The following SREK1 variants were observed in gnomAD, a reference collection of about 807,000 sequenced individuals.
SREK1 encodes the protein splicing regulatory glutamine/lysine-rich protein 1.
SREK1 carries 13 observed loss-of-function variants against 66.5 expected under a neutral mutation model. The ratio of observed to expected loss-of-function variants is 0.20; its 90% CI spans 0.13 to 0.31. The LOEUF is 0.31. Ranked by LOEUF, SREK1 falls within the 10% of genes least tolerant of loss-of-function variation. The pLI is 1.00. For missense variants in SREK1, 607 were observed against 769.6 expected (o/e 0.79, Z 2.50); for synonymous variants, 265 against 263.5 (o/e 1.01, Z -0.05).
At chr5:66,158,236 T>G (rs1389979278) in intron 2 of SREK1, 1 of 152,036 alleles carries the variant, frequency 6.6e-6, no homozygotes, top group Non-Finnish European at 1.5e-5. Context: ...TCAGAGTAAG[T>G]TTTTCATTTT....
rs894974050 is a variant in SREK1 at position 66,157,190 on chromosome 5, T to C, written c.296-2029T>C. Reference sequence around the variant, plus strand: ...TATACATTTATAGTAGTATACTATATTTATAGTAGTATACTCTTTTGAAAG... The same window carrying C: ...TATACATTTATAGTAGTATACTATACTTATAGTAGTATACTCTTTTGAAAG... On this transcript the variant is annotated intron_variant, in intron 2 of 11. Transcript: ENST00000334121. 4 of 957,038 alleles carry C rather than the reference T, an allele frequency of 4.2e-6. No homozygotes were observed. The African/African-American group carries it at 7.1e-5, about 17-fold the overall frequency. 59.3% of individuals were successfully genotyped at this position (957,038 alleles called of 1,614,324 possible).
At chr5:66,159,686 A>G (rs1041308796) in intron 3 of SREK1, among the ~76,000 whole-genome samples, 3 of 152,188 alleles carry the variant, frequency 2.0e-5, no homozygotes, top group South Asian at 4.1e-4. Context: ...GAAATGATCC[A>G]CAACTTTGGT....
intron 10 of SREK1, among the ~76,000 whole-genome samples, chr5:66,176,265 G>A (rs895171342): frequency 6.6e-6 from 1 of 152,122 alleles, no homozygotes; most frequent in Non-Finnish European, 1.5e-5. Context: ...TGGGTCTTCT[G>A]TGCCCTTGGA....
At chr5:66,164,166 A>G (rs1744982938) in intron 6 of SREK1, 1 of 401,132 alleles carries the variant, frequency 2.5e-6, no homozygotes, top group Admixed American at 4.3e-5. Flanking sequence ...TCATAGCAAA[A>G]TCAGTGCTCA....
intron 6 of SREK1, chr5:66,164,474 A>T: frequency 1.2e-6 from 1 of 864,192 alleles, no homozygotes. Flanking sequence ...TTCAAATTCT[A>T]GCAGAATAAG....
At chr5:66,156,346 A>G (rs1055365209) in intron 2 of SREK1, 8 of 1,280,344 alleles carry the variant, frequency 6.2e-6, no homozygotes, top group Non-Finnish European at 7.9e-6. Flanking sequence ...TGTAAATGGT[A>G]TTTCATTAAG....
At chr5:66,157,185 C>G (rs1372939652) in intron 2 of SREK1, 1 of 969,656 alleles carries the variant, frequency 1.0e-6, no homozygotes, top group Admixed American at 6.2e-5. Context: ...TAGTAGTATA[C>G]TATATTTATA....
chr5:66,161,438 G>A (rs768592987), intron 3 of SREK1, among the ~76,000 whole-genome samples: 9 of 152,170 alleles, frequency 5.9e-5, no homozygotes, highest in East Asian at 1.9e-4. Flanking sequence ...AAACAAGCAC[G>A]CAGTCTGTTT....
chr5:66,156,602 C>T, intron 2 of SREK1: 1 of 985,430 alleles, frequency 1.0e-6, no homozygotes, highest in Non-Finnish European at 1.2e-6. Flanking sequence ...TAGTCTACAT[C>T]TCTCATAAAA....
rs561070283 is a variant in SREK1 at position 66,178,595 on chromosome 5, C to T, written c.1726-124C>T. 2.4e-5 allele frequency: 21 copies of T among 880,278 alleles called. No homozygotes were observed. The Admixed American group carries it at 3.0e-4, about 13-fold the overall frequency. The allele number at this position is 880,278 out of a possible 1,614,324, so 54.5% of individuals were successfully genotyped here. On this transcript the variant is annotated intron_variant, in intron 11 of 11. Transcript: ENST00000334121. ...TTTGCATATTCATTTTGTGTGAAAA[C>T]GTAATGAGAGAAAATCATACCCAGT...
Position 66,180,909 on chromosome 5 carries a change from A to G in SREK1, c.*2041A>G, listed in dbSNP as rs1746432852. On this transcript the variant is annotated 3_prime_UTR_variant, in exon 12 of 12. Coordinates refer to ENST00000334121, the MANE Select transcript of SREK1 (RefSeq NM_001077199.3). ...GAAAATGTTTGTTTATGCATTTCAA[A>G]AAAGCATTTTAGTTTTATCCTGCTC... The G allele has an allele frequency of 6.6e-6, 1 of 152,478 alleles. No individual in the cohort carries two copies. Among genetic ancestry groups the G allele is most frequent in the Admixed American group, 6.6e-5 (1 of 15,262 alleles). 9.4% of individuals were successfully genotyped at this position (152,478 alleles called of 1,614,324 possible).
intron 1 of SREK1, among the ~76,000 whole-genome samples, chr5:66,150,910 G>A (rs1429199206): frequency 6.6e-6 from 1 of 151,234 alleles, no homozygotes; most frequent in Non-Finnish European, 1.5e-5. Flanking sequence ...GTGTGATCTC[G>A]GCTCACTGCA....
At chr5:66,145,265 C>CAG (rs1743071954) in intron 1 of SREK1, 4 of 650,216 alleles carry the variant, frequency 6.2e-6, no homozygotes. Context: ...GGCCACTTCC[C>CAG]AGATAGTGTA....
At chr5:66,146,054 T>C (rs901202882) in intron 1 of SREK1, among the ~76,000 whole-genome samples, 15 of 152,116 alleles carry the variant, frequency 9.9e-5, no homozygotes, top group African/African-American at 3.4e-4. Flanking sequence ...ACGAGAATAC[T>C]GCATAAGTGC....
chr5:66,179,076 A>G lies in SREK1; in HGVS notation c.*208A>G. 2.4e-6 allele frequency: 1 copy of G among 418,890 alleles called. No homozygotes were observed. Among genetic ancestry groups the G allele is most frequent in the East Asian group, 3.9e-5 (1 of 25,558 alleles). 25.9% of individuals were successfully genotyped at this position (418,890 alleles called of 1,614,324 possible). On this transcript the variant is annotated 3_prime_UTR_variant, in exon 12 of 12. Coordinates refer to ENST00000334121, the MANE Select transcript of SREK1 (RefSeq NM_001077199.3). The stretch of plus-strand genomic sequence containing the variant: ...CATGAAAATAACAGATGTTACCCAA[A>G]CTCATCTTCTAAAATCTGTGCATTT...
intron 9 of SREK1, among the ~76,000 whole-genome samples, chr5:66,174,197 AG>A (rs1745876129): frequency 6.6e-6 from 1 of 152,134 alleles, no homozygotes; most frequent in Non-Finnish European, 1.5e-5. Context: ...ATTGTTTCTG[AG>A]TTGAAGTAGT....
chr5:66,159,578 A>G (rs1023372431), intron 3 of SREK1, among the ~76,000 whole-genome samples: 1 of 152,170 alleles, frequency 6.6e-6, no homozygotes, highest in African/African-American at 2.4e-5. Flanking sequence ...ATTATTCACT[A>G]GAAAATCAGT....
At chr5:66,153,676 A>G in intron 2 of SREK1, 80 bp downstream of exon 2, 9 of 1,568,040 alleles carry the variant, frequency 5.7e-6, no homozygotes, top group Middle Eastern at 1.7e-4. Flanking sequence ...GAGATTGGCA[A>G]GTAGACAGTA....
At position 66,179,413 on chromosome 5, in the gene SREK1, G is replaced by A. The variant is rs1469856083; in HGVS notation, c.*545G>A. ...GATTGTGTTAAATTCTCACTATTGTGTTTTCTTTTGCTCACTGTTTAGGAC... is the reference window on the plus strand; with the variant it reads ...GATTGTGTTAAATTCTCACTATTGTATTTTCTTTTGCTCACTGTTTAGGAC... On this transcript the variant is annotated 3_prime_UTR_variant, in exon 12 of 12. Transcript: ENST00000334121. 6.6e-6 allele frequency: 1 copy of A among 152,330 alleles called. No homozygotes were observed. Among genetic ancestry groups the A allele is most frequent in the Non-Finnish European group, 1.5e-5 (1 of 67,912 alleles). 9.4% of individuals were successfully genotyped at this position (152,330 alleles called of 1,614,324 possible).
Sources: gnomAD v4.1 joint callset for allele counts (sites outside exome capture counted in the v4.1 genomes callset) on GRCh38, gnomAD v4.1.1 for gene constraint, MANE v1.5 for transcripts, NCBI Gene and HGNC (gene_info 2026-07-23, HGNC 2026-07-21) for gene names.